RBFOX1: variants seen among roughly 807,000 people sequenced by gnomAD.
RBFOX1 encodes RNA binding protein fox-1 homolog 1.
A neutral mutation model predicts 57.7 loss-of-function variants in RBFOX1; 8 were observed. That is an observed-to-expected ratio of 0.14 (90% CI 0.08 to 0.25). The LOEUF (loss-of-function observed/expected upper bound fraction) is 0.25, where lower values mean the gene tolerates loss of function less well. Ranked by LOEUF, RBFOX1 falls within the 10% of genes least tolerant of loss-of-function variation. The pLI is 1.00. For missense variants in RBFOX1, 611 were observed against 548.5 expected, an observed-to-expected ratio of 1.11 and a Z score of -1.14; for synonymous variants, 326 against 222.4, an observed-to-expected ratio of 1.47 and a Z score of -4.15.
intron 4 of RBFOX1, among the ~76,000 whole-genome samples, chr16:7,182,872 T>C (rs995190579): frequency 2.0e-5 from 3 of 152,184 alleles, no homozygotes; most frequent in Non-Finnish European, 4.4e-5. Context: ...AACTTCTATG[T>C]CTTCCAAAGA....
chr16:7,459,391 G>A (rs1385003639), intron 4 of RBFOX1, among the ~76,000 whole-genome samples: 4 of 152,102 alleles, frequency 2.6e-5, no homozygotes, highest in South Asian at 2.1e-4. Context: ...GTTTGGTTCC[G>A]TGCCTTCCTT....
intron 2 of RBFOX1, among the ~76,000 whole-genome samples, chr16:6,369,751 C>T (rs1175679482): frequency 6.6e-6 from 1 of 152,174 alleles, no homozygotes. Context: ...TCTTACCTAT[C>T]TTAGTGTCAG....
At chr16:6,048,468 T>C (rs2095517841) in intron 1 of RBFOX1, among the ~76,000 whole-genome samples, 1 of 152,220 alleles carries the variant, frequency 6.6e-6, no homozygotes, top group Non-Finnish European at 1.5e-5. Flanking sequence ...TTCCCGGTAA[T>C]AATAATGGAC....
At chr16:6,489,811 C>A (rs1184170430) in intron 2 of RBFOX1, among the ~76,000 whole-genome samples, 2 of 152,140 alleles carry the variant, frequency 1.3e-5, no homozygotes, top group Non-Finnish European at 2.9e-5. Flanking sequence ...CCATGACCAC[C>A]TCCAACAACA....
chr16:7,394,850 G>T (rs550665196), intron 4 of RBFOX1, among the ~76,000 whole-genome samples: 1 of 152,008 alleles, frequency 6.6e-6, no homozygotes, highest in Non-Finnish European at 1.5e-5. Flanking sequence ...TTTTCAATCC[G>T]TCTACTTCCA....
intron 1 of RBFOX1, among the ~76,000 whole-genome samples, chr16:6,239,347 C>G (rs2097527488): frequency 6.6e-6 from 1 of 151,936 alleles, no homozygotes; most frequent in South Asian, 2.1e-4. Context: ...CCACAGTGTC[C>G]AAGGGAGAGT....
At chr16:6,653,662 T>A (rs1294004638) in intron 2 of RBFOX1, among the ~76,000 whole-genome samples, 1 of 143,832 alleles carries the variant, frequency 7.0e-6, no homozygotes, top group African/African-American at 2.6e-5. Flanking sequence ...GATGAATGGG[T>A]GGGTGGAGGG....
intron 4 of RBFOX1, among the ~76,000 whole-genome samples, chr16:7,108,479 A>C (rs568324343): frequency 6.6e-6 from 1 of 152,294 alleles, no homozygotes; most frequent in East Asian, 1.9e-4. Flanking sequence ...TCTGGTAAAC[A>C]TTTATTAAAC....
intron 1 of RBFOX1, among the ~76,000 whole-genome samples, chr16:6,263,625 C>A (rs1336374213): frequency 6.6e-6 from 1 of 152,186 alleles, no homozygotes; most frequent in African/African-American, 2.4e-5. Flanking sequence ...CTCTCTCCTT[C>A]CTTGGAGCTT....
intron 1 of RBFOX1, among the ~76,000 whole-genome samples, chr16:5,343,313 T>G (rs1239829282): frequency 6.6e-6 from 1 of 150,756 alleles, no homozygotes; most frequent in Non-Finnish European, 1.5e-5. Flanking sequence ...TTTTTTTTTT[T>G]TTTTTGGTTT....
rs79451586 is a variant in RBFOX1, at chr16:5,356,313, A to G, written c.220-110903A>G. Among the ~76,000 whole-genome samples, 129 of 152,320 alleles carry G rather than the reference A, an allele frequency of 8.5e-4. No homozygotes were observed. The East Asian group carries it at 0.013, about 15-fold the overall frequency. On this transcript the variant is annotated intron_variant, in intron 1 of 2. Coordinates refer to the RBFOX1 transcript ENST00000585867. Reference sequence around the variant, plus strand: ...TTGATTTTGAACTTCTAGGCTACAGAACTGTGAGCCGATACATTTCTGTTG... The same window carrying G: ...TTGATTTTGAACTTCTAGGCTACAGGACTGTGAGCCGATACATTTCTGTTG...
intron 4 of RBFOX1, among the ~76,000 whole-genome samples, chr16:5,893,349 G>A (rs1478905296): frequency 2.0e-5 from 3 of 152,154 alleles, no homozygotes; most frequent in Non-Finnish European, 4.4e-5. Context: ...ACCTAGTATT[G>A]CTAGCATAAC....
At chr16:5,436,233 A>T (rs961253030) in intron 1 of RBFOX1, among the ~76,000 whole-genome samples, 2 of 152,152 alleles carry the variant, frequency 1.3e-5, no homozygotes. Flanking sequence ...CGTGACTCAG[A>T]CTTACCTGTG....
At chr16:6,969,667 C>T (rs1462696449) in intron 3 of RBFOX1, among the ~76,000 whole-genome samples, 1 of 152,044 alleles carries the variant, frequency 6.6e-6, no homozygotes, top group African/African-American at 2.4e-5. Flanking sequence ...TGGCTTGAGT[C>T]TGGGAGGCGG....
chr16:5,388,658 C>T (rs1304343229), intron 1 of RBFOX1, among the ~76,000 whole-genome samples: 4 of 151,976 alleles, frequency 2.6e-5, no homozygotes, highest in Non-Finnish European at 5.9e-5. Flanking sequence ...CTCACTGCAA[C>T]CTCCACCTCC....
chr16:6,626,706 G>T (rs1567942787), intron 2 of RBFOX1, among the ~76,000 whole-genome samples: 1 of 152,056 alleles, frequency 6.6e-6, no homozygotes, highest in Non-Finnish European at 1.5e-5. Context: ...GTTGCAGTGA[G>T]CCAAGATTGC....
intron 3 of RBFOX1, among the ~76,000 whole-genome samples, chr16:6,876,628 A>AT (rs1010239234): frequency 3.0e-4 from 45 of 150,054 alleles, no homozygotes; most frequent in Admixed American, 1.5e-3. Flanking sequence ...ACTTGTATCT[A>AT]TTTTTTTTTT....
intron 1 of RBFOX1, among the ~76,000 whole-genome samples, chr16:6,066,369 T>TAA (rs145269511): frequency 1.5e-5 from 2 of 137,608 alleles, no homozygotes; most frequent in South Asian, 4.6e-4. Flanking sequence ...AAGCACTAAT[T>TAA]AAAAAAAAAT....
At chr16:5,461,146 C>G (rs62016425) in intron 1 of RBFOX1, among the ~76,000 whole-genome samples, 3,634 of 152,228 alleles carry the variant, frequency 0.024, 50 homozygotes, top group Non-Finnish European at 0.038. Context: ...AAGCCAGCTC[C>G]CAAGGTGACT....
Sources: allele counts gnomAD v4.1 joint callset (sites outside exome capture counted in the v4.1 genomes callset), GRCh38; gene constraint gnomAD v4.1.1; transcripts MANE v1.5; gene names NCBI Gene and HGNC (gene_info 2026-07-23, HGNC 2026-07-21).